ABCA13: variants seen among roughly 807,000 people sequenced by gnomAD.
ABCA13 encodes the protein ATP binding cassette subfamily A member 13.
A neutral mutation model predicts 478.7 loss-of-function variants in ABCA13; 476 were observed. The ratio of observed to expected loss-of-function variants is 0.99; its 90% CI spans 0.92 to 1.07. The LOEUF is 1.07. Among genes scored for constraint, ABCA13 ranks in the 50% least tolerant of loss-of-function variants. The pLI is 0.00. For synonymous variants in ABCA13, 2,252 were observed against 2,158.9 expected (o/e 1.04, Z -1.20); for missense variants, 6,060 against 5,910.6 (o/e 1.03, Z -0.83).
intron 38 of ABCA13, among the ~76,000 whole-genome samples, chr7:48,393,669 G>A (rs143535374): frequency 6.6e-6 from 1 of 152,110 alleles, no homozygotes; most frequent in African/African-American, 2.4e-5. Flanking sequence ...CTTCATGATG[G>A]TGGAGCTCTA....
In ABCA13 at chr7:48,367,814, TC is replaced by T. The variant is rs767227995; in HGVS notation, c.10710del (p.Pro3573HisfsTer2). ...TSDLFLNNVG[F>X]FFPLIMMLTW... is the part of the protein sequence containing the mutation. ...TACAGATTCCTGAACAACGTTGGTTTCTTTTTTCCACTGATAATGATGCTGA... is the reference window on the plus strand; with the variant it reads ...TACAGATTCCTGAACAACGTTGGTTTTTTTTTCCACTGATAATGATGCTGA... On this transcript the variant is annotated frameshift_variant, in exon 32 of 62. Coordinates refer to ENST00000435803, the MANE Select transcript of ABCA13 (RefSeq NM_152701.5). LOFTEE classifies it high-confidence loss of function. The T allele has an allele frequency of 1.3e-5, 21 of 1,569,518 alleles. No individual in the cohort carries two copies. The highest frequency in any genetic ancestry group is 5.6e-5 in the Admixed American group (3 of 53,128).
At chr7:48,355,648 G>C (rs1475183935) in intron 31 of ABCA13, among the ~76,000 whole-genome samples, 1 of 152,018 alleles carries the variant, frequency 6.6e-6, no homozygotes, top group East Asian at 1.9e-4. Context: ...TTGGTCCAGT[G>C]TGGTAGCAGA....
intron 23 of ABCA13, among the ~76,000 whole-genome samples, chr7:48,307,836 A>G (rs551116933): frequency 3.5e-4 from 53 of 152,192 alleles, no homozygotes; most frequent in African/African-American, 1.2e-3. Flanking sequence ...GTACGCCACC[A>G]TACCCAACTA....
intron 42 of ABCA13, among the ~76,000 whole-genome samples, chr7:48,453,065 T>A (rs929955984): frequency 6.6e-6 from 1 of 152,222 alleles, no homozygotes; most frequent in African/African-American, 2.4e-5. Context: ...ACTTTTTTCC[T>A]AGCAATATAA....
At chr7:48,594,686 T>G (rs1175978203) in intron 57 of ABCA13, 24 bp from the exon 58 acceptor site, 8 of 1,597,980 alleles carry the variant, frequency 5.0e-6, no homozygotes, top group Non-Finnish European at 6.9e-6. Context: ...AAATGCTGAT[T>G]ACTCTGTGTT....
chr7:48,352,093 C>A (rs1809097369), intron 30 of ABCA13, 88 bp from the exon 31 acceptor site: 3 of 1,351,626 alleles, frequency 2.2e-6, no homozygotes, highest in Non-Finnish European at 3.0e-6. Context: ...CAGGCTCCTG[C>A]AACTTTTCCT....
Position 48,330,241 on chromosome 7 carries a change from C to T in ABCA13, c.10000-5181C>T, listed in dbSNP as rs530891246. Reference sequence around the variant, plus strand: ...TCTATTCATCCATTCACATATCCATCCATTCATCCATGTATTCATTCATCC... The same window carrying T: ...TCTATTCATCCATTCACATATCCATTCATTCATCCATGTATTCATTCATCC... On this transcript the variant is annotated intron_variant, in intron 27 of 61. Coordinates refer to ENST00000435803, the MANE Select transcript of ABCA13 (RefSeq NM_152701.5). 4.6e-5 allele frequency among the ~76,000 whole-genome samples: 7 copies of T among 151,720 alleles called. No homozygotes were observed. The South Asian group carries it at 1.5e-3, about 32-fold the overall frequency.
At chr7:48,239,136 A>C in intron 8 of ABCA13, 105 bp from the exon 9 acceptor site, 1 of 1,206,370 alleles carries the variant, frequency 8.3e-7, no homozygotes, top group Non-Finnish European at 1.2e-6. Context: ...TCAATCAAGC[A>C]AATGTAAGAA....
At chr7:48,447,268 T>A (rs1292085585) in intron 42 of ABCA13, among the ~76,000 whole-genome samples, 1 of 152,160 alleles carries the variant, frequency 6.6e-6, no homozygotes, top group Non-Finnish European at 1.5e-5. Context: ...CTTGAAAGCA[T>A]CTTCAATCCT....
At chr7:48,440,630 C>T (rs189585268) in intron 42 of ABCA13, among the ~76,000 whole-genome samples, 9 of 151,946 alleles carry the variant, frequency 5.9e-5, no homozygotes, top group Admixed American at 5.2e-4. Flanking sequence ...TTTAATGAAA[C>T]TATGATTATT....
rs1790768558 is a variant in ABCA13 at position 48,241,127 on chromosome 7, G to T, written c.1262+61G>T. ...TAGATGACACAGAATGTTAAAGAGT[G>T]CGTGATGATACTGTTAGAAACACAT... On this transcript the variant is annotated intron_variant, in intron 10 of 61. Coordinates refer to ENST00000435803, the MANE Select transcript of ABCA13 (RefSeq NM_152701.5). 5.8e-6 allele frequency: 9 copies of T among 1,560,314 alleles called. No homozygotes were observed. In the South Asian group the frequency reaches 1.0e-4, roughly 17 times the overall value.
chr7:48,353,679 A>C (rs1204037422), intron 31 of ABCA13, among the ~76,000 whole-genome samples: 1 of 151,742 alleles, frequency 6.6e-6, no homozygotes, highest in Non-Finnish European at 1.5e-5. Flanking sequence ...GGCTGCATAC[A>C]TAATAGCACA....
intron 2 of ABCA13, among the ~76,000 whole-genome samples, chr7:48,197,231 G>A (rs942755526): frequency 1.3e-5 from 2 of 152,182 alleles, no homozygotes; most frequent in Non-Finnish European, 2.9e-5. Context: ...TCAGGGCAGC[G>A]CTGCCTTTGT....
rs376202596 is a variant in ABCA13, at chr7:48,593,185, A to AT, written c.14641-1516dup. Reference sequence around the variant, plus strand: ...TTACTGCTTTTCTTTTAATTTGATAATTTTTTTTTGTGTTGGTATGTTGGT... The same window carrying AT: ...TTACTGCTTTTCTTTTAATTTGATAATTTTTTTTTTGTGTTGGTATGTTGGT... On this transcript the variant is annotated intron_variant, in intron 57 of 61. Coordinates refer to ENST00000435803, the MANE Select transcript of ABCA13 (RefSeq NM_152701.5). Among the ~76,000 whole-genome samples, 764 of 129,774 alleles carry AT rather than the reference A, an allele frequency of 5.9e-3. 3 individuals are homozygous for AT. Among genetic ancestry groups the AT allele is most frequent in the South Asian group, 9.3e-3 (38 of 4,090 alleles). The allele number at this position is 129,774 out of a possible 152,430, so 85.1% of individuals were successfully genotyped here.
chr7:48,279,858 A>AT lies in ABCA13; in HGVS notation c.8665dup (p.Tyr2889LeufsTer10), dbSNP rs1260734909. ...TCAAACCATTTTTCTGTTTGGAGAAATACCTGGGAGGATTATTTGTATTGA... is the reference window on the plus strand; with the variant it reads ...TCAAACCATTTTTCTGTTTGGAGAAATTACCTGGGAGGATTATTTGTATTGA... On this transcript the variant is annotated frameshift_variant, in exon 18 of 62. Transcript: ENST00000435803. LOFTEE classifies it high-confidence loss of function. 1 of 1,558,164 alleles carries AT rather than the reference A, an allele frequency of 6.4e-7. No individual in the cohort carries two copies. The highest frequency in any genetic ancestry group is 8.6e-7 in the Non-Finnish European group (1 of 1,157,506).
At chr7:48,294,321 A>C (rs1799022108) in intron 20 of ABCA13, among the ~76,000 whole-genome samples, 1 of 151,612 alleles carries the variant, frequency 6.6e-6, no homozygotes, top group Admixed American at 6.6e-5. Flanking sequence ...AATTCTCTAG[A>C]TGTGTTCATT....
intron 46 of ABCA13, among the ~76,000 whole-genome samples, 200 bp from the exon 47 acceptor site, chr7:48,482,876 G>T (rs1033931879): frequency 1.3e-5 from 2 of 152,176 alleles, no homozygotes; most frequent in African/African-American, 4.8e-5. Context: ...AGTGCCTTCC[G>T]TTTTGCCTGG....
Position 48,350,654 on chromosome 7 carries a change from G to T in ABCA13, c.10216G>T (p.Asp3406Tyr), listed in dbSNP as rs202096528. Residue 3406 changes from aspartate to tyrosine, a missense_variant, in exon 30 of 62, where the codon GAT (aspartate) becomes TAT (tyrosine). By Grantham distance (160) the Asp-to-Tyr change is radical. Transcript: ENST00000435803. ...TTCACTTTCCTCAGGAGGGCTGCTG[G>T]ATGAGATGTTTAACCATGCAGGCGC... Reference protein sequence around the residue: ...EKLQTYGGLLDEMFNHAGAGR... With the variant: ...EKLQTYGGLLYEMFNHAGAGR... The T allele has an allele frequency of 6.0e-5, 97 of 1,613,128 alleles. No individual in the cohort carries two copies. Among genetic ancestry groups the T allele is most frequent in the Admixed American group, 1.8e-4 (11 of 59,958 alleles).
intron 55 of ABCA13, among the ~76,000 whole-genome samples, chr7:48,578,662 C>T (rs940773471): frequency 1.2e-4 from 18 of 152,238 alleles, no homozygotes; most frequent in Middle Eastern, 3.4e-3. Context: ...CAACCCCAAT[C>T]AAAATCCCAG....
Sources: gnomAD v4.1 joint callset for allele counts (sites outside exome capture counted in the v4.1 genomes callset) on GRCh38, gnomAD v4.1.1 for gene constraint, MANE v1.5 for transcripts, NCBI Gene and HGNC (gene_info 2026-07-23, HGNC 2026-07-21) for gene names.